Variants in DOCK9 observed in about 807,000 individuals in gnomAD.
DOCK9 encodes the protein dedicator of cytokinesis protein 9.
In DOCK9, 89 loss-of-function variants were observed where a neutral mutation model predicts 263.3. The observed-to-expected ratio is 0.34, with a 90% confidence interval of 0.28 to 0.40. The LOEUF is 0.40. DOCK9 is among the 10% of genes least tolerant of loss of function. The pLI is 1.00. For missense variants in DOCK9, 2,140 were observed against 2,603.4 expected, an observed-to-expected ratio of 0.82 and a Z score of 3.87; for synonymous variants, 976 against 973.1, an observed-to-expected ratio of 1.00 and a Z score of -0.06.
intron 1 of DOCK9, among the ~76,000 whole-genome samples, chr13:99,045,778 AAAAAC>A (rs772142885): frequency 1.4e-4 from 22 of 152,038 alleles, no homozygotes; most frequent in Non-Finnish European, 2.5e-4. Flanking sequence ...TCATCTTTTT[AAAAAC>A]AAAACAAAAC....
intron 1 of DOCK9, among the ~76,000 whole-genome samples, chr13:99,033,671 A>G (rs1417246723): frequency 2.0e-5 from 3 of 152,208 alleles, no homozygotes; most frequent in Non-Finnish European, 4.4e-5. Context: ...CACCTATTGC[A>G]ACAGTGATAA....
chr13:99,069,873 C>T (rs2041593573), intron 1 of DOCK9, among the ~76,000 whole-genome samples: 1 of 152,164 alleles, frequency 6.6e-6, no homozygotes, highest in Non-Finnish European at 1.5e-5. Flanking sequence ...GCCATCTTGC[C>T]AGGAAAAGGG....
intron 1 of DOCK9, chr13:99,025,437 A>G (rs1334598206): frequency 6.6e-6 from 1 of 152,270 alleles, no homozygotes; most frequent in Non-Finnish European, 1.5e-5. Context: ...ATGCAAGTCA[A>G]AACGACAATG....
intron 27 of DOCK9, among the ~76,000 whole-genome samples, chr13:98,879,289 T>C (rs774686247): frequency 5.9e-5 from 9 of 151,998 alleles, no homozygotes; most frequent in Non-Finnish European, 7.4e-5. Context: ...GGACCCACGG[T>C]CAGAAAGGAA....
In DOCK9 at chr13:98,888,207, A is replaced by G; in HGVS notation, c.1994T>C (p.Ile665Thr). Reference protein sequence around the residue: ...KSFAKARNIAICIEFKDSDEE... With the variant: ...KSFAKARNIATCIEFKDSDEE... ...ATCTGAATCTTTGAATTCAATGCAAATCGCAATATTTCTAGCCTGCAGCAA... is the reference window on the plus strand; with the variant it reads ...ATCTGAATCTTTGAATTCAATGCAAGTCGCAATATTTCTAGCCTGCAGCAA... Residue 665 changes from isoleucine to threonine, a missense_variant, in exon 18 of 53, where the codon ATT (isoleucine) becomes ACT (threonine). This residue lies in a region of DOCK9 where 1,521 missense variants were observed against 1,741.7 expected (regional missense o/e 0.87). Coordinates refer to ENST00000682017, the MANE Select transcript of DOCK9 (RefSeq NM_001366683.2). The G allele has an allele frequency of 6.2e-7, 1 of 1,610,872 alleles. No individual in the cohort carries two copies. Among genetic ancestry groups the G allele is most frequent in the Non-Finnish European group, 8.5e-7 (1 of 1,178,378 alleles).
chr13:99,074,411 G>T (rs1026289682), intron 1 of DOCK9, among the ~76,000 whole-genome samples: 2 of 152,050 alleles, frequency 1.3e-5, no homozygotes, highest in African/African-American at 4.8e-5. Flanking sequence ...GAAGGCAAGA[G>T]ATCACTTTTT....
In DOCK9 at chr13:98,837,625, C is replaced by A. The variant is rs2093053685; in HGVS notation, c.4199-16G>T. On this transcript the variant is annotated splice_polypyrimidine_tract_variant and intron_variant, in intron 38 of 52. Coordinates refer to ENST00000682017, the MANE Select transcript of DOCK9 (RefSeq NM_001366683.2). ...TGGCCATAGCCTGCATGAATTACAA[C>A]ACAAGATTACTGCCCAGTGGTTCAG... is the stretch of plus-strand genomic sequence containing the variant. 6.4e-7 allele frequency: 1 copy of A among 1,570,768 alleles called. No individual in the cohort carries two copies. The highest frequency in any genetic ancestry group is 1.7e-5 in the Admixed American group (1 of 59,508).
intron 37 of DOCK9, among the ~76,000 whole-genome samples, chr13:98,848,384 C>T (rs2093454514): frequency 6.6e-6 from 1 of 152,040 alleles, no homozygotes; most frequent in Non-Finnish European, 1.5e-5. Flanking sequence ...CAAGAGATAA[C>T]ACGTGAGGTG....
At chr13:98,951,604 C>T (rs74407386) in intron 2 of DOCK9, among the ~76,000 whole-genome samples, 1,632 of 152,224 alleles carry the variant, frequency 0.011, 28 homozygotes, top group African/African-American at 0.036. Context: ...TTTATGTGCA[C>T]GGTGCAGACA....
chr13:99,075,918 G>T (rs528656253), intron 1 of DOCK9, among the ~76,000 whole-genome samples: 1 of 152,032 alleles, frequency 6.6e-6, no homozygotes, highest in Non-Finnish European at 1.5e-5. Context: ...TTCAATAGAG[G>T]GGGGAAGTCT....
At chr13:98,920,064 A>T (rs1196692792) in intron 7 of DOCK9, among the ~76,000 whole-genome samples, 2 of 152,196 alleles carry the variant, frequency 1.3e-5, no homozygotes, top group African/African-American at 4.8e-5. Flanking sequence ...CAGATGATGG[A>T]CAGGGAAATT....
intron 27 of DOCK9, among the ~76,000 whole-genome samples, chr13:98,878,118 C>T (rs551403317): frequency 7.2e-5 from 11 of 152,262 alleles, no homozygotes; most frequent in South Asian, 6.2e-4. Flanking sequence ...AGGACACAGA[C>T]GCGCACAGAA....
intron 1 of DOCK9, among the ~76,000 whole-genome samples, chr13:98,967,663 C>T (rs574718929): frequency 6.6e-6 from 1 of 152,290 alleles, no homozygotes; most frequent in East Asian, 1.9e-4. Flanking sequence ...GGCTCCACGT[C>T]GCCAGGGAGG....
intron 45 of DOCK9, chr13:98,820,711 A>C (rs2092218544): frequency 7.2e-6 from 3 of 419,478 alleles, no homozygotes; most frequent in Non-Finnish European, 1.4e-5. Context: ...CTTTAAAGAA[A>C]AATCAGGAAC....
intron 1 of DOCK9, among the ~76,000 whole-genome samples, chr13:99,059,067 G>A (rs2041064772): frequency 6.6e-6 from 1 of 152,100 alleles, no homozygotes; most frequent in African/African-American, 2.4e-5. Flanking sequence ...TCCTGTAAAT[G>A]GTGAGGGACC....
rs545352306 is a variant in DOCK9 at position 98,877,109 on chromosome 13, T to C, written c.2943+2789A>G. ...CCAGAGCAAAGGTGTTGACAAATCA[T>C]GTTATAAGGCTGGAAATGGCAGCAC... On this transcript the variant is annotated intron_variant, in intron 27 of 52. Transcript: ENST00000682017. Among the ~76,000 whole-genome samples the C allele has an allele frequency of 2.0e-5, 3 of 152,328 alleles. No homozygotes were observed. The East Asian group carries it at 5.8e-4, about 29-fold the overall frequency.
chr13:98,842,359 G>A (rs922282732), intron 38 of DOCK9, among the ~76,000 whole-genome samples: 3 of 152,170 alleles, frequency 2.0e-5, no homozygotes, highest in Non-Finnish European at 4.4e-5. Context: ...AATACTTTCT[G>A]ATTCTGATCT....
chr13:99,002,561 C>T (rs1882566713), intron 1 of DOCK9, among the ~76,000 whole-genome samples: 1 of 152,244 alleles, frequency 6.6e-6, no homozygotes, highest in South Asian at 2.1e-4. Flanking sequence ...TGGGTTCACA[C>T]AGCCTTTGGT....
intron 1 of DOCK9, among the ~76,000 whole-genome samples, chr13:99,048,916 A>C (rs1447411897): frequency 1.3e-5 from 2 of 152,242 alleles, no homozygotes; most frequent in Non-Finnish European, 2.9e-5. Context: ...AATAAGCTGA[A>C]TAATCATAGC....
Sources: allele counts gnomAD v4.1 joint callset (sites outside exome capture counted in the v4.1 genomes callset), GRCh38; gene constraint gnomAD v4.1.1; regional missense constraint gnomAD v4.1.1; transcripts MANE v1.5; gene names NCBI Gene and HGNC (gene_info 2026-07-23, HGNC 2026-07-21).